Variants in C13orf46 observed in about 807,000 individuals in gnomAD.
The protein encoded by C13orf46 is uncharacterized protein C13orf46.
At chr13:113,965,173 C>T (rs2052623890) in intron 5 of C13orf46, among the ~76,000 whole-genome samples, 179 bp from the exon 6 acceptor site, 1 of 152,172 alleles carries the variant, frequency 6.6e-6, no homozygotes, top group African/African-American at 2.4e-5. Context: ...GAACTGCACC[C>T]TTGATGAGGC....
chr13:113,933,244 C>A, the C13orf46 span, among the ~76,000 whole-genome samples: 4 of 152,100 alleles, frequency 2.6e-5, no homozygotes, highest in African/African-American at 9.7e-5. Flanking sequence ...TATGGGTGTC[C>A]AAATGACCCA....
downstream of C13orf46, among the ~76,000 whole-genome samples, chr13:113,949,760 G>A (rs1463402843): frequency 6.6e-6 from 1 of 152,160 alleles, no homozygotes; most frequent in East Asian, 1.9e-4. Context: ...CCCATCTGTG[G>A]AGTGGGGTCA....
At chr13:113,949,929 C>G (rs1405390123), downstream of C13orf46, among the ~76,000 whole-genome samples, 1 of 151,726 alleles carries the variant, frequency 6.6e-6, no homozygotes, top group African/African-American at 2.4e-5. Flanking sequence ...GACCTCAGTG[C>G]TCCCATCTGG....
the C13orf46 span, among the ~76,000 whole-genome samples, chr13:113,937,750 G>A: frequency 1.2e-4 from 19 of 152,294 alleles, no homozygotes; most frequent in East Asian, 2.3e-3. Flanking sequence ...CTTCCAGGTC[G>A]TAGGTAGATA....
chr13:113,938,909 G>A, the C13orf46 span, among the ~76,000 whole-genome samples: 1 of 151,910 alleles, frequency 6.6e-6, no homozygotes, highest in Non-Finnish European at 1.5e-5. Context: ...AAGCCTCCTG[G>A]CCCCAGGAGG....
At position 113,968,523 on chromosome 13, in the gene C13orf46, C is replaced by T. The variant is rs2052672298; in HGVS notation, c.409-9G>A. Reference sequence around the variant, plus strand: ...GACTCTGCCTCCTGTTCCTGTAAGACCAAAGAGGTTAAGTGAAGGCCGGGC... The same window carrying T: ...GACTCTGCCTCCTGTTCCTGTAAGATCAAAGAGGTTAAGTGAAGGCCGGGC... On this transcript the variant is annotated splice_polypyrimidine_tract_variant and intron_variant, in intron 3 of 6. Coordinates refer to ENST00000636427, the MANE Select transcript of C13orf46 (RefSeq NM_001365455.2). 6.6e-6 allele frequency: 1 copy of T among 152,268 alleles called. No homozygotes were observed. Among genetic ancestry groups the T allele is most frequent in the African/African-American group, 2.4e-5 (1 of 41,450 alleles). The allele number at this position is 152,268 out of a possible 1,614,324, so 9.4% of individuals were successfully genotyped here.
chr13:113,957,576 G>T (rs2052548682), intron 6 of C13orf46, among the ~76,000 whole-genome samples: 2 of 140,308 alleles, frequency 1.4e-5, no homozygotes. Flanking sequence ...AGCGCACTGG[G>T]GGGTCTCCCC....
chr13:113,940,619 G>A, the C13orf46 span, among the ~76,000 whole-genome samples: 4 of 12,024 alleles, frequency 3.3e-4, 1 homozygote, highest in African/African-American at 1.8e-3. Flanking sequence ...CTGAGCGTTC[G>A]AGATCCTGGT....
chr13:113,972,065 G>A (rs1176477518), intron 1 of C13orf46, among the ~76,000 whole-genome samples: 1 of 152,198 alleles, frequency 6.6e-6, no homozygotes, highest in Non-Finnish European at 1.5e-5. Context: ...CCATCGTGCA[G>A]TTTTGGGCAA....
chr13:113,947,449 G>A, the C13orf46 span, among the ~76,000 whole-genome samples: 2 of 152,138 alleles, frequency 1.3e-5, no homozygotes, highest in African/African-American at 4.8e-5. Flanking sequence ...TTCTGCCCAC[G>A]TGGCCTCCAA....
Position 113,968,459 on chromosome 13 carries a change from G to T in C13orf46, c.456+8C>A, listed in dbSNP as rs1438918944. 2.6e-5 allele frequency: 4 copies of T among 152,252 alleles called. No homozygotes were observed. The highest frequency in any genetic ancestry group is 9.6e-5 in the African/African-American group (4 of 41,458). The allele number at this position is 152,252 out of a possible 1,614,324, so 9.4% of individuals were successfully genotyped here. On this transcript the variant is annotated splice_region_variant and intron_variant, in intron 4 of 6. Transcript: ENST00000636427. ...CTCACTTCTATTACTAAAGGGAAAA[G>T]CTCTTACCTCTTCTTCCTGAAGGTC...
rs1183611973 is a variant in C13orf46 at position 113,959,627 on chromosome 13, T to C, written c.573-2788A>G. 3.3e-5 allele frequency among the ~76,000 whole-genome samples: 5 copies of C among 152,328 alleles called. No homozygotes were observed. In the East Asian group the frequency reaches 7.7e-4, roughly 23 times the overall value. On this transcript the variant is annotated intron_variant, in intron 6 of 6. Transcript: ENST00000636427. ...GGTCAAAAATGGTGTTCTTAAACAT[T>C]AAGGCATACCAGGCTTTCTAAGGCT...
At chr13:113,945,461 C>T in the C13orf46 span, among the ~76,000 whole-genome samples, 6 of 151,532 alleles carry the variant, frequency 4.0e-5, no homozygotes, top group Admixed American at 6.6e-5. Context: ...AGGAGAATGG[C>T]GTGAACCCTG....
At chr13:113,946,253 G>A in the C13orf46 span, among the ~76,000 whole-genome samples, 2 of 152,188 alleles carry the variant, frequency 1.3e-5, no homozygotes, top group African/African-American at 2.4e-5. Flanking sequence ...GTCGCGTGGA[G>A]GAAGAACTTG....
At chr13:113,945,902 A>C in the C13orf46 span, among the ~76,000 whole-genome samples, 1 of 114,448 alleles carries the variant, frequency 8.7e-6, no homozygotes, top group African/African-American at 3.1e-5. Context: ...AACCACCTTG[A>C]GGTCAGTGCA....
chr13:113,957,683 T>C (rs1198709805), intron 6 of C13orf46, among the ~76,000 whole-genome samples: 5 of 125,362 alleles, frequency 4.0e-5, no homozygotes, highest in Non-Finnish European at 8.1e-5. Context: ...GGGTCTCCTC[T>C]GCACTCCACA....
At chr13:113,953,166 G>A (rs2138966707), downstream of C13orf46, among the ~76,000 whole-genome samples, 1 of 152,282 alleles carries the variant, frequency 6.6e-6, no homozygotes, top group Non-Finnish European at 1.5e-5. Context: ...TGGGTGTGTG[G>A]CTGCTGAGTG....
At chr13:113,970,844 C>T (rs954485646) in intron 1 of C13orf46, among the ~76,000 whole-genome samples, 1 of 152,198 alleles carries the variant, frequency 6.6e-6, no homozygotes, top group Non-Finnish European at 1.5e-5. Flanking sequence ...AACATCAACT[C>T]GGGTGAGCGG....
chr13:113,945,462 G>A, the C13orf46 span, among the ~76,000 whole-genome samples: 22 of 151,730 alleles, frequency 1.4e-4, no homozygotes, highest in Non-Finnish European at 2.5e-4. Context: ...GGAGAATGGC[G>A]TGAACCCTGG....
Sources: allele counts gnomAD v4.1 joint callset (sites outside exome capture counted in the v4.1 genomes callset), GRCh38; gene constraint gnomAD v4.1.1; transcripts MANE v1.5; gene names NCBI Gene and HGNC (gene_info 2026-07-23, HGNC 2026-07-21).